MED15: variants seen among roughly 807,000 people sequenced by gnomAD.
MED15 encodes mediator complex subunit 15, also known as mediator of RNA polymerase II transcription subunit 15.
A neutral mutation model predicts 118.7 loss-of-function variants in MED15; 41 were observed. The observed-to-expected ratio is 0.35, with a 90% CI of 0.27 to 0.45. MED15 has a LOEUF of 0.45. Among genes scored for constraint, MED15 ranks in the 20% least tolerant of loss-of-function variants. The pLI is 1.00. For missense variants in MED15, 740 were observed against 1,025.5 expected (o/e 0.72, Z 3.80); for synonymous variants, 436 against 413.9 (o/e 1.05, Z -0.65).
chr22:20,509,024 CGAA>C, intron 1 of MED15, among the ~76,000 whole-genome samples: 2 of 152,078 alleles, frequency 1.3e-5, no homozygotes, highest in Admixed American at 1.3e-4. Context: ...GAGTAGGTGA[CGAA>C]TAAATTGAGT....
At chr22:20,518,934 C>T (rs1181706796) in intron 1 of MED15, 4 of 444,962 alleles carry the variant, frequency 9.0e-6, no homozygotes, top group Admixed American at 2.4e-5. Context: ...CTCACTGCAA[C>T]CTCCACCTCC....
At chr22:20,531,023 C>T (rs1396221338) in intron 1 of MED15, among the ~76,000 whole-genome samples, 1 of 152,166 alleles carries the variant, frequency 6.6e-6, no homozygotes, top group Non-Finnish European at 1.5e-5. Context: ...CTACTATCAT[C>T]CTCAGGGCTA....
rs556109983 is a variant in MED15, at chr22:20,549,495, T to G, written c.157-1941T>G. 1.5e-4 allele frequency among the ~76,000 whole-genome samples: 22 copies of G among 151,488 alleles called. No homozygotes were observed. The South Asian group carries it at 4.0e-3, about 27-fold the overall frequency. ...GGGGTGGATGGTGAGGAGTCAGGAG[T>G]GAAAGAGCCCAGCCAGGGGGATCAG... On this transcript the variant is annotated intron_variant, in intron 2 of 17. Coordinates refer to ENST00000263205, the MANE Select transcript of MED15 (RefSeq NM_001003891.3).
intron 2 of MED15, among the ~76,000 whole-genome samples, chr22:20,540,683 G>T (rs754976306): frequency 2.4e-4 from 36 of 152,184 alleles, no homozygotes; most frequent in South Asian, 1.5e-3. Context: ...CATGACCTTG[G>T]ATTAGGCAGT....
rs769729455 is a variant in MED15, at chr22:20,585,844, A to G, written c.2230+18A>G. 4.3e-6 allele frequency: 7 copies of G among 1,609,670 alleles called. No individual in the cohort carries two copies. Among genetic ancestry groups the G allele is most frequent in the Non-Finnish European group, 5.9e-6 (7 of 1,177,894 alleles). On this transcript the variant is annotated intron_variant, in intron 17 of 17. Coordinates refer to ENST00000263205, the MANE Select transcript of MED15 (RefSeq NM_001003891.3). ...GCAGTACGGTAGGTAGACCCAGAGG[A>G]GCTGTCTGGGGACCCAGGGCAAGCA...
In MED15 at chr22:20,564,548, CA is replaced by C; in HGVS notation, c.551del (p.Gln184ArgfsTer20). 1 of 1,605,040 alleles carries C rather than the reference CA, an allele frequency of 6.2e-7. No individual in the cohort carries two copies. On this transcript the variant is annotated frameshift_variant, in exon 6 of 18. Coordinates refer to ENST00000263205, the MANE Select transcript of MED15 (RefSeq NM_001003891.3). LOFTEE classifies it high-confidence loss of function. ...GGCGCTACAGCAGCAGCAGCAGCAG[CA>C]GCAACAGCAGCAGTTCCAGGCTCAG... The part of the protein sequence containing the change: ...QAALQQQQQQ[Q>X]QQQQFQAQQS...
chr22:20,555,122 C>T lies in MED15; in HGVS notation c.425C>T (p.Ala142Val), dbSNP rs1211710677. The T allele has an allele frequency of 1.2e-6, 2 of 1,607,176 alleles. No homozygotes were observed. Among genetic ancestry groups the T allele is most frequent in the South Asian group, 1.1e-5 (1 of 90,062 alleles). The change falls in exon 5 of 18, where the codon GCT (alanine) becomes GTT (valine). Residue 142 changes from alanine (A) to valine (V), a missense_variant. By Grantham distance (64) the Ala-to-Val change is moderately conservative. Around this residue, in one of 7 missense-constraint regions of MED15, gnomAD observed 117 missense variants for 124.6 expected, o/e 0.94. Coordinates refer to ENST00000263205, the MANE Select transcript of MED15 (RefSeq NM_001003891.3). ...GTSGMAPHSM[A>V]VVSTATPQTQ... The stretch of plus-strand genomic sequence containing the variant: ...TCGGGGATGGCCCCTCACAGCATGG[C>T]TGTCGTGTCTACGGCAACTCCACAG...
intron 2 of MED15, among the ~76,000 whole-genome samples, chr22:20,542,947 TG>T (rs2055368240): frequency 6.6e-6 from 1 of 152,176 alleles, no homozygotes; most frequent in African/African-American, 2.4e-5. Context: ...TTGGAAGATA[TG>T]CCACACCCTT....
intron 17 of MED15, 65 bp from the exon 18 acceptor site, chr22:20,586,503 C>A: frequency 6.3e-7 from 1 of 1,581,134 alleles, no homozygotes; most frequent in Middle Eastern, 1.7e-4. Flanking sequence ...CAGAGCACTG[C>A]CGGGTGTGCC....
chr22:20,543,464 G>A (rs1291708491), intron 2 of MED15, among the ~76,000 whole-genome samples: 11 of 146,070 alleles, frequency 7.5e-5, no homozygotes, highest in East Asian at 6.3e-4. Flanking sequence ...TGCCTGCCTT[G>A]GCCTCCCAAA....
chr22:20,551,348 G>A, intron 2 of MED15, 88 bp from the exon 3 acceptor site: 1 of 1,229,108 alleles, frequency 8.1e-7, no homozygotes, highest in East Asian at 2.3e-5. Context: ...CTTCAGCTCG[G>A]TGCCAGCAGG....
At chr22:20,511,085 AAG>A in intron 1 of MED15, among the ~76,000 whole-genome samples, 1 of 152,214 alleles carries the variant, frequency 6.6e-6, no homozygotes. Context: ...GGGTTAAAAA[AAG>A]ATTTGCATTA....
At chr22:20,513,613 G>T (rs1048413921) in intron 1 of MED15, among the ~76,000 whole-genome samples, 1 of 152,116 alleles carries the variant, frequency 6.6e-6, no homozygotes, top group Non-Finnish European at 1.5e-5. Context: ...CAATGAAATG[G>T]TAGAAAGCCA....
intron 1 of MED15, among the ~76,000 whole-genome samples, chr22:20,519,659 T>C (rs1003072517): frequency 3.3e-5 from 5 of 152,164 alleles, no homozygotes; most frequent in African/African-American, 1.2e-4. Flanking sequence ...TTCACCATAT[T>C]GGCCAAGCTG....
chr22:20,552,169 C>A (rs1035107035), intron 3 of MED15, among the ~76,000 whole-genome samples: 1 of 152,238 alleles, frequency 6.6e-6, no homozygotes, highest in African/African-American at 2.4e-5. Flanking sequence ...AGCAGCTGCT[C>A]TGTGTTTTCA....
At chr22:20,540,834 G>A in intron 2 of MED15, among the ~76,000 whole-genome samples, 1 of 151,976 alleles carries the variant, frequency 6.6e-6, no homozygotes, top group East Asian at 1.9e-4. Context: ...GAAAATATTT[G>A]CAAATCACAT....
chr22:20,548,460 C>T (rs1203990854), intron 2 of MED15, among the ~76,000 whole-genome samples: 1 of 151,928 alleles, frequency 6.6e-6, no homozygotes, highest in Non-Finnish European at 1.5e-5. Flanking sequence ...CCAAGGTGCC[C>T]GACTTGATTT....
At chr22:20,551,048 C>T (rs866914503) in intron 2 of MED15, 1 of 472,146 alleles carries the variant, frequency 2.1e-6, no homozygotes, top group South Asian at 1.6e-5. Context: ...GACACAGCGG[C>T]CCACCCACGG....
At chr22:20,545,473 CAAAAAAAAA>C (rs56307139) in intron 2 of MED15, among the ~76,000 whole-genome samples, 1 of 90,152 alleles carries the variant, frequency 1.1e-5, no homozygotes, top group African/African-American at 4.3e-5. Flanking sequence ...GACTCCACCT[CAAAAAAAAA>C]AAAAAAAAAA....
Sources: gnomAD v4.1 joint callset for allele counts (sites outside exome capture counted in the v4.1 genomes callset) on GRCh38, gnomAD v4.1.1 for gene constraint, gnomAD v4.1.1 regional missense constraint, MANE v1.5 for transcripts, NCBI Gene and HGNC (gene_info 2026-07-23, HGNC 2026-07-21) for gene names.